Variants in MCPH1 observed in about 807,000 individuals in gnomAD.
MCPH1 encodes the protein microcephalin 1.
A neutral mutation model predicts 84.5 loss-of-function variants in MCPH1; 104 were observed. That is an observed-to-expected ratio of 1.23 (90% CI 1.05 to 1.45). MCPH1 has a LOEUF of 1.45. Among genes scored for constraint, MCPH1 ranks in the 40% most tolerant of loss-of-function variants. The pLI is 0.00. For missense variants in MCPH1, 1,498 were observed against 1,005.7 expected, an observed-to-expected ratio of 1.49 and a Z score of -6.62; for synonymous variants, 514 against 366.8, an observed-to-expected ratio of 1.40 and a Z score of -4.58.
At position 6,420,038 on chromosome 8, in the gene MCPH1, G is replaced by A. The variant is rs1363593048; in HGVS notation, c.233+5155G>A. On this transcript the variant is annotated intron_variant, in intron 3 of 13. Coordinates refer to ENST00000344683, the MANE Select transcript of MCPH1 (RefSeq NM_024596.5). ...CTGTCTTGCATAGTTTCTTTTATAG[G>A]TGATGCTGGTGAGGGAGGGAGGAGG... 4.0e-5 allele frequency among the ~76,000 whole-genome samples: 6 copies of A among 151,438 alleles called. No individual in the cohort carries two copies. In the South Asian group the frequency reaches 1.3e-3, roughly 32 times the overall value.
At chr8:6,477,472 G>C in intron 9 of MCPH1, 122 bp from the exon 10 acceptor site, 2 of 864,204 alleles carry the variant, frequency 2.3e-6, no homozygotes, top group Non-Finnish European at 3.7e-6. Context: ...TTTGACATAT[G>C]CTTAAATGTT....
chr8:6,428,122 T>C (rs1801332300), intron 3 of MCPH1, among the ~76,000 whole-genome samples: 1 of 152,180 alleles, frequency 6.6e-6, no homozygotes, highest in South Asian at 2.1e-4. Context: ...CTATAGCTTT[T>C]TTACATGATA....
chr8:6,525,708 T>C (rs1205952773), intron 12 of MCPH1, among the ~76,000 whole-genome samples: 1 of 152,250 alleles, frequency 6.6e-6, no homozygotes, highest in Non-Finnish European at 1.5e-5. Context: ...CTCATACACC[T>C]GTAAAATCAT....
At chr8:6,604,556 G>A (rs1015630448) in intron 12 of MCPH1, among the ~76,000 whole-genome samples, 1 of 152,270 alleles carries the variant, frequency 6.6e-6, no homozygotes, top group East Asian at 1.9e-4. Flanking sequence ...CCAGGCTGGA[G>A]TGCAGTGGCG....
chr8:6,612,215 T>C (rs1044143944), intron 12 of MCPH1, among the ~76,000 whole-genome samples: 2 of 152,082 alleles, frequency 1.3e-5, no homozygotes, highest in African/African-American at 4.8e-5. Flanking sequence ...CAAATACATA[T>C]TTCTCGTTAT....
At chr8:6,471,413 A>G (rs1051927578) in intron 9 of MCPH1, among the ~76,000 whole-genome samples, 1 of 152,192 alleles carries the variant, frequency 6.6e-6, no homozygotes, top group Non-Finnish European at 1.5e-5. Context: ...ATACTCAATT[A>G]CAGTTTCACA....
At chr8:6,550,134 C>T (rs1469015456) in intron 12 of MCPH1, among the ~76,000 whole-genome samples, 1 of 152,212 alleles carries the variant, frequency 6.6e-6, no homozygotes, top group African/African-American at 2.4e-5. Context: ...AACTATCGTG[C>T]CTCCTCATGA....
rs909995976 is a variant in MCPH1, at chr8:6,644,013, G to C, written c.*964G>C. 6.6e-6 allele frequency: 1 copy of C among 152,288 alleles called. No homozygotes were observed. The highest frequency in any genetic ancestry group is 1.5e-5 in the Non-Finnish European group (1 of 68,108). 9.4% of individuals were successfully genotyped at this position (152,288 alleles called of 1,614,324 possible). A position where few individuals can be genotyped will look rare whatever the true frequency, so the allele number is the denominator to read the frequency against. On this transcript the variant is annotated 3_prime_UTR_variant, in exon 14 of 14. Transcript: ENST00000344683. ...CACCTGTCATCCCAGCCCTTTGGGAGGCTGAGGTGGACAGATCACTTGAGG... is the reference window on the plus strand; with the variant it reads ...CACCTGTCATCCCAGCCCTTTGGGACGCTGAGGTGGACAGATCACTTGAGG...
rs1370215291 is a variant in MCPH1 at position 6,527,515 on chromosome 8, G to A, written c.2214+27586G>A. The A allele has an allele frequency of 2.5e-6, 4 of 1,597,898 alleles. No individual in the cohort carries two copies. The East Asian group carries it at 9.0e-5, about 36-fold the overall frequency. On this transcript the variant is annotated intron_variant, in intron 12 of 13. Transcript: ENST00000344683. ...AGACCGACTTTCATATCTGGAAAGT[G>A]TGCAGTCCTGAATTATAAATGTTTT...
intron 13 of MCPH1, chr8:6,626,895 G>C: frequency 1.0e-6 from 1 of 984,488 alleles, no homozygotes; most frequent in Non-Finnish European, 1.2e-6. Context: ...ACTCTCAGGC[G>C]CCCTTTTATT....
chr8:6,460,726 T>TG (rs542745110), intron 9 of MCPH1, among the ~76,000 whole-genome samples: 193 of 152,294 alleles, frequency 1.3e-3, no homozygotes, highest in Middle Eastern at 6.8e-3. Context: ...GGGACTGAGA[T>TG]GATCTGGAGC....
intron 3 of MCPH1, among the ~76,000 whole-genome samples, chr8:6,431,292 G>A (rs1585715086): frequency 6.6e-6 from 1 of 152,226 alleles, no homozygotes; most frequent in African/African-American, 2.4e-5. Context: ...TCTTGCTTCT[G>A]TTATACTTAA....
intron 5 of MCPH1, among the ~76,000 whole-genome samples, chr8:6,437,464 C>T (rs1008505654): frequency 2.6e-5 from 4 of 152,108 alleles, no homozygotes; most frequent in African/African-American, 4.8e-5. Context: ...CTCTTGACCT[C>T]GTGATCTGCC....
chr8:6,626,648 TC>T (rs1316572431), intron 13 of MCPH1: 61 of 984,808 alleles, frequency 6.2e-5, no homozygotes, highest in Non-Finnish European at 6.6e-5. Flanking sequence ...GGTTGCATTT[TC>T]CCCCCAACAC....
chr8:6,611,756 C>G (rs539141201), intron 12 of MCPH1, among the ~76,000 whole-genome samples: 1 of 152,294 alleles, frequency 6.6e-6, no homozygotes, highest in Admixed American at 6.5e-5. Flanking sequence ...GTAGCTGGGA[C>G]TACAGGCGTC....
chr8:6,412,960 C>T (rs1798750256), intron 2 of MCPH1, among the ~76,000 whole-genome samples: 1 of 152,174 alleles, frequency 6.6e-6, no homozygotes, highest in African/African-American at 2.4e-5. Flanking sequence ...TTTTCAAAGA[C>T]AGCTACTTTC....
chr8:6,644,844 T>G lies in MCPH1; in HGVS notation c.*1795T>G, dbSNP rs985076672. ...GAACCTTTGAGAAGGGAGGTAGCAG[T>G]GCATTGTATAGGAATTGGCATTCTA... On this transcript the variant is annotated 3_prime_UTR_variant, in exon 14 of 14. Transcript: ENST00000344683. The G allele has an allele frequency of 2.0e-5, 3 of 152,154 alleles. No individual in the cohort carries two copies. Among genetic ancestry groups the G allele is most frequent in the African/African-American group, 7.2e-5 (3 of 41,424 alleles). The allele number at this position is 152,154 out of a possible 1,614,324, so 9.4% of individuals were successfully genotyped here.
Position 6,445,365 on chromosome 8 carries a change from G to A in MCPH1, c.1643G>A (p.Ser548Asn). 1 of 1,614,232 alleles carries A rather than the reference G, an allele frequency of 6.2e-7. No homozygotes were observed. The change falls in exon 8 of 14, where the codon AGC (serine) becomes AAC (asparagine). Residue 548 changes from serine (S) to asparagine (N), a missense_variant. By Grantham distance (46) the Ser-to-Asn change is conservative (BLOSUM62 1). Coordinates refer to ENST00000344683, the MANE Select transcript of MCPH1 (RefSeq NM_024596.5). Reference sequence around the variant, plus strand: ...GATGATTTAACTCCTTTGGAAGGAAGCCTTGAAGAAATGAAAGAAGCGGTT... The same window carrying A: ...GATGATTTAACTCCTTTGGAAGGAAACCTTGAAGAAATGAAAGAAGCGGTT... ...HDDDLTPLEGSLEEMKEAVGL... is the reference protein window; with the variant it reads ...HDDDLTPLEGNLEEMKEAVGL...
chr8:6,511,678 C>T (rs370000133), intron 12 of MCPH1, among the ~76,000 whole-genome samples: 18 of 152,080 alleles, frequency 1.2e-4, no homozygotes, highest in Admixed American at 6.5e-4. Context: ...TAATAATTTT[C>T]GATGTAATAT....
Sources: gnomAD v4.1 joint callset for allele counts (sites outside exome capture counted in the v4.1 genomes callset) on GRCh38, gnomAD v4.1.1 for gene constraint, MANE v1.5 for transcripts, NCBI Gene and HGNC (gene_info 2026-07-23, HGNC 2026-07-21) for gene names.